SHC3: variants seen among roughly 807,000 people sequenced by gnomAD.
The protein encoded by SHC3 is SHC adaptor protein 3.
In SHC3, 15 loss-of-function variants were observed where a neutral mutation model predicts 60.4. That is an observed-to-expected ratio of 0.25 (90% CI 0.17 to 0.38). SHC3 has a LOEUF of 0.38. Ranked by LOEUF, SHC3 falls within the 10% of genes least tolerant of loss-of-function variation. The pLI, the probability that SHC3 is intolerant of heterozygous loss-of-function variation, is 1.00. For synonymous variants in SHC3, 294 were observed against 325.9 expected (o/e 0.90, Z 1.05); for missense variants, 677 against 786.1 (o/e 0.86, Z 1.66).
chr9:89,165,803 T>C (rs1004021072), intron 1 of SHC3, among the ~76,000 whole-genome samples: 2 of 152,184 alleles, frequency 1.3e-5, no homozygotes, highest in African/African-American at 2.4e-5. Flanking sequence ...AAATGGTAGA[T>C]GGGCAGGTTG....
intron 10 of SHC3, among the ~76,000 whole-genome samples, chr9:89,041,325 T>C (rs1384847094): frequency 1.3e-5 from 2 of 152,370 alleles, no homozygotes; most frequent in East Asian, 1.9e-4. Flanking sequence ...AGATTCCTAT[T>C]ACTCTCCTTA....
chr9:89,124,125 CAAAACCACAATG>C (rs771389097), intron 1 of SHC3, among the ~76,000 whole-genome samples: 1 of 150,516 alleles, frequency 6.6e-6, no homozygotes, highest in Non-Finnish European at 1.5e-5. Context: ...AAATGCAAAT[CAAAACCACAATG>C]AGATACCATC....
At chr9:89,083,985 C>A (rs1825487464) in intron 2 of SHC3, among the ~76,000 whole-genome samples, 1 of 152,180 alleles carries the variant, frequency 6.6e-6, no homozygotes, top group Non-Finnish European at 1.5e-5. Flanking sequence ...AGTTTCCCAG[C>A]TCCAGCACAC....
intron 2 of SHC3, among the ~76,000 whole-genome samples, chr9:89,107,386 A>G (rs956319628): frequency 1.3e-5 from 2 of 152,118 alleles, no homozygotes; most frequent in Non-Finnish European, 2.9e-5. Flanking sequence ...TGTCTAATGC[A>G]TTTTTGCACA....
At chr9:89,027,426 T>TCTC (rs1554689506) in intron 11 of SHC3, among the ~76,000 whole-genome samples, 1 of 151,044 alleles carries the variant, frequency 6.6e-6, no homozygotes, top group South Asian at 2.1e-4. Flanking sequence ...TTCACGCCAT[T>TCTC]CTGCCTCAGC....
intron 3 of SHC3, 83 bp from the exon 4 acceptor site, chr9:89,075,311 C>T (rs559817673): frequency 5.2e-6 from 8 of 1,531,754 alleles, no homozygotes; most frequent in African/African-American, 2.7e-5. Flanking sequence ...TACCCCTAAA[C>T]TCTCACTAAC....
chr9:89,097,183 C>CCAA lies in SHC3; in HGVS notation c.545+15370_545+15372dup, dbSNP rs752957430. Among the ~76,000 whole-genome samples the CCAA allele has an allele frequency of 1.6e-4, 24 of 150,050 alleles. 2 individuals carry two copies. The highest frequency in any genetic ancestry group is 8.6e-4 in the Admixed American group (13 of 15,060). ...GAGGAGGCGGGATCAGATCCAACAT[C>CCAA]CAACAAAGTACATCTCTCTTAGCAG... On this transcript the variant is annotated intron_variant, in intron 2 of 11. Coordinates refer to ENST00000375835, the MANE Select transcript of SHC3 (RefSeq NM_016848.6).
intron 2 of SHC3, among the ~76,000 whole-genome samples, chr9:89,095,775 A>G (rs1825692596): frequency 6.6e-6 from 1 of 152,164 alleles, no homozygotes; most frequent in Non-Finnish European, 1.5e-5. Context: ...TGACTTTCAT[A>G]TTGATTTTCC....
At chr9:89,163,188 A>T (rs1451278091) in intron 1 of SHC3, among the ~76,000 whole-genome samples, 3 of 151,562 alleles carry the variant, frequency 2.0e-5, no homozygotes, top group African/African-American at 2.4e-5. Context: ...CAGTGTGGAG[A>T]TTCCTCAGGG....
chr9:89,123,115 A>G (rs571520063), intron 1 of SHC3, among the ~76,000 whole-genome samples: 1 of 152,344 alleles, frequency 6.6e-6, no homozygotes, highest in South Asian at 2.1e-4. Flanking sequence ...TGCATGGGCT[A>G]TATGATGCAA....
Position 89,178,777 on chromosome 9 carries a change from C to G in SHC3, c.-317G>C, listed in dbSNP as rs1260302911. On this transcript the variant is annotated 5_prime_UTR_variant, in exon 1 of 12. Transcript: ENST00000375835. This position sits in a 1 kb window ranked among gnomAD's most constrained non-coding sequence, Gnocchi z 6.9. Reference sequence around the variant, plus strand: ...GCTCACAGCAAAAGCATGACTCACTCTGAGAGGAGACCCTTCTCAACAAAG... The same window carrying G: ...GCTCACAGCAAAAGCATGACTCACTGTGAGAGGAGACCCTTCTCAACAAAG... The G allele has an allele frequency of 3.0e-5, 8 of 269,510 alleles. No homozygotes were observed. 16.7% of individuals were successfully genotyped at this position (269,510 alleles called of 1,614,324 possible).
Position 89,010,916 on chromosome 9 carries a change from G to C in SHC3, c.*2531C>G, listed in dbSNP as rs1826006293. ...AGATGACAACATGGCCTCCAGGAAG[G>C]TGTGGCACCAGCCCCAGCCTCACTT... On this transcript the variant is annotated 3_prime_UTR_variant, in exon 12 of 12. Coordinates refer to ENST00000375835, the MANE Select transcript of SHC3 (RefSeq NM_016848.6). The C allele has an allele frequency of 6.6e-6, 1 of 152,308 alleles. No individual in the cohort carries two copies. Among genetic ancestry groups the C allele is most frequent in the South Asian group, 2.1e-4 (1 of 4,840 alleles). The allele number at this position is 152,308 out of a possible 1,614,324, so 9.4% of individuals were successfully genotyped here. A position where few individuals can be genotyped will look rare whatever the true frequency, so the allele number is the denominator to read the frequency against.
chr9:89,175,181 A>T (rs1326773621), intron 1 of SHC3, among the ~76,000 whole-genome samples: 4 of 152,078 alleles, frequency 2.6e-5, no homozygotes, highest in Non-Finnish European at 5.9e-5. Flanking sequence ...TCACCAAAAG[A>T]AAAAAGGAAA....
rs373082246 is a variant in SHC3 at position 89,046,950 on chromosome 9, C to T, written c.1007G>A (p.Gly336Asp). The change falls in exon 8 of 12, where the codon GGC becomes GAC. Residue 336 changes from glycine to aspartate, a missense_variant. Physicochemically the swap from Gly to Asp is moderately conservative, Grantham distance 94 (BLOSUM62 -1). Coordinates refer to ENST00000375835, the MANE Select transcript of SHC3 (RefSeq NM_016848.6). ...DEPWTEEEGDGSDHPYYNSIP... is the reference protein window; with the variant it reads ...DEPWTEEEGDDSDHPYYNSIP... ...GCTGTTGTAGTATGGGTGGTCTGAG[C>T]CATCTCCCTCCTCTTCCGTCCATGG... 8.7e-6 allele frequency: 14 copies of T among 1,609,806 alleles called. No individual in the cohort carries two copies. Among genetic ancestry groups the T allele is most frequent in the Non-Finnish European group, 1.1e-5 (13 of 1,178,122 alleles).
chr9:89,092,509 C>T (rs756745121), intron 2 of SHC3, among the ~76,000 whole-genome samples: 10 of 148,908 alleles, frequency 6.7e-5, no homozygotes, highest in Non-Finnish European at 1.2e-4. Context: ...CCCAGCTACT[C>T]GGGAGGCTGA....
At chr9:89,110,132 C>G in intron 2 of SHC3, 1 of 985,396 alleles carries the variant, frequency 1.0e-6, no homozygotes, top group Non-Finnish European at 1.2e-6. Context: ...TTTGATTTGG[C>G]TTTCAAACTA....
intron 7 of SHC3, among the ~76,000 whole-genome samples, chr9:89,049,532 C>G (rs1824828644): frequency 6.6e-6 from 1 of 152,184 alleles, no homozygotes; most frequent in African/African-American, 2.4e-5. Context: ...TTCAACATTT[C>G]AGAAACAAAG....
intron 6 of SHC3, among the ~76,000 whole-genome samples, chr9:89,054,804 C>T (rs945712097): frequency 1.3e-5 from 2 of 152,216 alleles, no homozygotes; most frequent in Non-Finnish European, 2.9e-5. Flanking sequence ...GAGGAAACTG[C>T]CCACTGGGGA....
intron 2 of SHC3, among the ~76,000 whole-genome samples, chr9:89,102,054 G>GT (rs1375604473): frequency 2.6e-5 from 4 of 151,934 alleles, no homozygotes; most frequent in African/African-American, 9.7e-5. Flanking sequence ...ATTAGTAGTT[G>GT]TATCTTTCAA....
Sources: allele counts gnomAD v4.1 joint callset (sites outside exome capture counted in the v4.1 genomes callset), GRCh38; gene constraint gnomAD v4.1.1; non-coding constraint Gnocchi (gnomAD v3.1); transcripts MANE v1.5; gene names NCBI Gene and HGNC (gene_info 2026-07-23, HGNC 2026-07-21).